PIK3C2G: variants seen among roughly 807,000 people sequenced by gnomAD.
PIK3C2G encodes the protein phosphatidylinositol 3-kinase C2 domain-containing subunit gamma.
Under a neutral mutation model 181.1 loss-of-function variants are expected in PIK3C2G, and 168 were observed. The ratio of observed to expected loss-of-function variants is 0.93; its 90% CI spans 0.82 to 1.05. The LOEUF (loss-of-function observed/expected upper bound fraction) is 1.05. PIK3C2G is among the 50% of genes least tolerant of loss of function. PIK3C2G has a pLI of 0.00. For synonymous variants in PIK3C2G, 573 were observed against 592.2 expected, an observed-to-expected ratio of 0.97 and a Z score of 0.47; for missense variants, 1,869 against 1,732.8, an observed-to-expected ratio of 1.08 and a Z score of -1.40.
the PIK3C2G span, among the ~76,000 whole-genome samples, chr12:18,660,120 G>A: frequency 7.2e-5 from 11 of 152,200 alleles, no homozygotes; most frequent in Admixed American, 2.0e-4. Flanking sequence ...GGAGTCTACT[G>A]AAGGCTTGCT....
intron 1 of PIK3C2G, among the ~76,000 whole-genome samples, chr12:18,265,275 A>G (rs1247508014): frequency 6.6e-6 from 1 of 152,188 alleles, no homozygotes; most frequent in Non-Finnish European, 1.5e-5. Context: ...CATTTTAGGT[A>G]TGTTCATTTA....
At chr12:18,651,844 A>G (rs942359313), downstream of PIK3C2G, among the ~76,000 whole-genome samples, 44 of 152,182 alleles carry the variant, frequency 2.9e-4, no homozygotes, top group Non-Finnish European at 1.0e-4. Flanking sequence ...AGGCAACCAC[A>G]GGGCAGGATG....
intron 18 of PIK3C2G, among the ~76,000 whole-genome samples, chr12:18,475,615 A>G (rs137946857): frequency 8.0e-4 from 121 of 152,184 alleles, no homozygotes; most frequent in Non-Finnish European, 1.4e-3. Context: ...ATTTTTCCCC[A>G]TGATCTGAAT....
At chr12:18,493,592 T>C (rs1565446477) in intron 20 of PIK3C2G, 1 of 152,278 alleles carries the variant, frequency 6.6e-6, no homozygotes, top group Non-Finnish European at 1.5e-5. Flanking sequence ...ATCTTATAAA[T>C]GCAATGATAG....
At chr12:18,469,266 A>T (rs1565756669) in intron 18 of PIK3C2G, among the ~76,000 whole-genome samples, 1 of 152,102 alleles carries the variant, frequency 6.6e-6, no homozygotes, top group Admixed American at 6.6e-5. Flanking sequence ...TCTGAAAAGG[A>T]GGCTTTTACC....
At chr12:18,701,637 TCC>T in the PIK3C2G span, 7 of 1,588,830 alleles carry the variant, frequency 4.4e-6, no homozygotes, top group African/African-American at 8.3e-5. Context: ...CTCCTCCTCC[TCC>T]TCCTCCTCCT....
chr12:18,724,641 T>C, the PIK3C2G span, among the ~76,000 whole-genome samples: 3 of 152,086 alleles, frequency 2.0e-5, no homozygotes, highest in Admixed American at 1.3e-4. Flanking sequence ...AAGTAATTCA[T>C]GCGTATTGTT....
At chr12:18,546,285 G>A (rs756181767) in intron 25 of PIK3C2G, 38 bp from the exon 26 acceptor site, 44 of 1,191,708 alleles carry the variant, frequency 3.7e-5, no homozygotes, top group Admixed American at 5.9e-5. Flanking sequence ...CATTTATTCT[G>A]TCTTCTTTTT....
the PIK3C2G span, among the ~76,000 whole-genome samples, chr12:18,667,134 T>G: frequency 6.6e-6 from 1 of 152,164 alleles, no homozygotes; most frequent in Non-Finnish European, 1.5e-5. Flanking sequence ...TTCAGTATAT[T>G]GAAAGGGGTC....
At chr12:18,415,038 G>C (rs1205685650) in intron 16 of PIK3C2G, among the ~76,000 whole-genome samples, 1 of 152,108 alleles carries the variant, frequency 6.6e-6, no homozygotes, top group Non-Finnish European at 1.5e-5. Context: ...TGCATATATT[G>C]ATACAAATAC....
At chr12:18,559,492 A>G (rs1186412117) in intron 26 of PIK3C2G, among the ~76,000 whole-genome samples, 1 of 152,038 alleles carries the variant, frequency 6.6e-6, no homozygotes, top group Non-Finnish European at 1.5e-5. Context: ...GAGCAGGCTA[A>G]TTTGAGAAAA....
At chr12:18,696,958 A>T in the PIK3C2G span, among the ~76,000 whole-genome samples, 1 of 152,116 alleles carries the variant, frequency 6.6e-6, no homozygotes, top group East Asian at 1.9e-4. Flanking sequence ...ATACACACAC[A>T]GTCTATTTTA....
chr12:18,571,759 T>G (rs1211467049), intron 29 of PIK3C2G, among the ~76,000 whole-genome samples: 9 of 150,834 alleles, frequency 6.0e-5, no homozygotes, highest in Non-Finnish European at 1.3e-4. Context: ...TGATCACTCT[T>G]ATAAGCAACA....
chr12:18,425,355 CT>C (rs1296106974), intron 18 of PIK3C2G, among the ~76,000 whole-genome samples: 1 of 111,526 alleles, frequency 9.0e-6, no homozygotes, highest in Non-Finnish European at 1.9e-5. Context: ...AAATGGGTTG[CT>C]TTTTTTCTCT....
chr12:18,331,987 A>T (rs537604924), intron 8 of PIK3C2G, among the ~76,000 whole-genome samples: 6 of 152,266 alleles, frequency 3.9e-5, no homozygotes, highest in Non-Finnish European at 7.4e-5. Flanking sequence ...GTATAATTAC[A>T]CTTACTAAGA....
At chr12:18,611,649 G>A (rs866758996) in intron 31 of PIK3C2G, among the ~76,000 whole-genome samples, 42 of 151,920 alleles carry the variant, frequency 2.8e-4, no homozygotes, top group African/African-American at 9.7e-4. Context: ...AACCTACATC[G>A]TTTGCCACCT....
chr12:18,650,748 A>C (rs1358921705), downstream of PIK3C2G, among the ~76,000 whole-genome samples: 12 of 78,566 alleles, frequency 1.5e-4, 1 homozygote, highest in East Asian at 7.1e-4. Context: ...ATATATATAT[A>C]TATATATATA....
chr12:18,433,918 T>C (rs551051671), intron 18 of PIK3C2G, among the ~76,000 whole-genome samples: 6 of 152,272 alleles, frequency 3.9e-5, no homozygotes, highest in African/African-American at 1.4e-4. Flanking sequence ...TGACAGAAAA[T>C]TGAATGTCAT....
At chr12:18,289,766 A>T (rs1421565664) in intron 3 of PIK3C2G, among the ~76,000 whole-genome samples, 2 of 152,148 alleles carry the variant, frequency 1.3e-5, no homozygotes, top group Non-Finnish European at 2.9e-5. Context: ...GATGGAGGAG[A>T]TGTTTCCATG....
Sources: allele counts gnomAD v4.1 joint callset (sites outside exome capture counted in the v4.1 genomes callset), GRCh38; gene constraint gnomAD v4.1.1; transcripts MANE v1.5; gene names NCBI Gene and HGNC (gene_info 2026-07-23, HGNC 2026-07-21).